The following ATR variants were observed in gnomAD, a reference collection of about 807,000 sequenced individuals.
ATR encodes serine/threonine-protein kinase ATR.
A neutral mutation model predicts 305.3 loss-of-function variants in ATR; 142 were observed. The observed-to-expected ratio is 0.47, with a 90% CI of 0.41 to 0.53. ATR has a LOEUF of 0.53. Among genes scored for constraint, ATR ranks in the 20% least tolerant of loss-of-function variants. The pLI is 0.00. For missense variants in ATR, 2,135 were observed against 3,133.1 expected (o/e 0.68, Z 7.60); for synonymous variants, 1,050 against 1,068.1 (o/e 0.98, Z 0.33).
chr3:142,561,196 A>C, intron 5 of ATR, 47 bp downstream of exon 5: 1 of 1,585,526 alleles, frequency 6.3e-7, no homozygotes, highest in Non-Finnish European at 8.7e-7. Context: ...AAAGTGAACA[A>C]AGTTTTATTT....
intron 36 of ATR, among the ~76,000 whole-genome samples, chr3:142,478,847 C>T (rs2030166812): frequency 6.6e-6 from 1 of 151,898 alleles, no homozygotes; most frequent in South Asian, 2.1e-4. Context: ...TATGTAATGG[C>T]CTTCTTTGTC....
Position 142,524,049 on chromosome 3 carries a change from G to T in ATR, c.4096C>A (p.Pro1366Thr). The change falls in exon 22 of 47, where the codon CCA (proline) becomes ACA (threonine). Residue 1366 changes from proline to threonine, a missense_variant. Pro to Thr is a conservative substitution (Grantham distance 38, BLOSUM62 -1). This residue lies in a region of ATR where 530 missense variants were observed against 766.8 expected (regional missense o/e 0.69). Coordinates refer to ENST00000350721, the MANE Select transcript of ATR (RefSeq NM_001184.4). ...ECLGELGAID[P>T]GRLDFSTTET... ...GTTGTTGAGAAATCTAATCGACCTG[G>T]ATCTATCGCCCCCAATTCCCCTAAA... 6.2e-7 allele frequency: 1 copy of T among 1,614,044 alleles called. No homozygotes were observed. The highest frequency in any genetic ancestry group is 8.5e-7 in the Non-Finnish European group (1 of 1,179,990).
chr3:142,565,010 G>T (rs756777344), intron 3 of ATR, among the ~76,000 whole-genome samples: 1 of 152,096 alleles, frequency 6.6e-6, no homozygotes, highest in Non-Finnish European at 1.5e-5. Context: ...AACTCCCAAA[G>T]TGCTGGGATT....
intron 23 of ATR, 94 bp from the exon 24 acceptor site, chr3:142,519,878 A>G: frequency 1.1e-6 from 1 of 948,208 alleles, no homozygotes; most frequent in East Asian, 2.4e-5. Context: ...ATAAAAATAC[A>G]GCCATAACTC....
chr3:142,516,560 T>C (rs1303268239), intron 24 of ATR, among the ~76,000 whole-genome samples: 2 of 152,184 alleles, frequency 1.3e-5, no homozygotes, highest in African/African-American at 2.4e-5. Context: ...ACCAACTCCA[T>C]TGCCACTTTC....
chr3:142,498,532 A>G, intron 32 of ATR, 65 bp downstream of exon 32: 1 of 1,521,026 alleles, frequency 6.6e-7, no homozygotes, highest in Non-Finnish European at 9.0e-7. Context: ...TACTCAAAAA[A>G]ATTTTCCAAT....
At chr3:142,471,440 T>A (rs973747771) in intron 36 of ATR, among the ~76,000 whole-genome samples, 2 of 152,192 alleles carry the variant, frequency 1.3e-5, no homozygotes, top group South Asian at 4.1e-4. Flanking sequence ...TTGAGACCCA[T>A]AGAGACAGTT....
At chr3:142,508,566 T>A (rs925055887) in intron 27 of ATR, among the ~76,000 whole-genome samples, 124 of 152,144 alleles carry the variant, frequency 8.2e-4, no homozygotes, top group African/African-American at 2.8e-3. Flanking sequence ...AAGTTTAGAA[T>A]TCATTGTTAT....
chr3:142,465,335 GAAT>G, intron 40 of ATR, 95 bp from the exon 41 acceptor site: 2 of 804,226 alleles, frequency 2.5e-6, no homozygotes, highest in Non-Finnish European at 3.8e-6. Flanking sequence ...AAAAAAAAAA[GAAT>G]ATTACCAGCT....
chr3:142,551,295 T>C (rs2034462713), intron 13 of ATR, among the ~76,000 whole-genome samples: 1 of 151,932 alleles, frequency 6.6e-6, no homozygotes, highest in Non-Finnish European at 1.5e-5. Context: ...GGTGTGGTGG[T>C]GCACACCTGT....
intron 36 of ATR, among the ~76,000 whole-genome samples, chr3:142,475,121 T>C (rs1266115475): frequency 6.6e-6 from 1 of 152,212 alleles, no homozygotes; most frequent in Non-Finnish European, 1.5e-5. Context: ...AATTATACTT[T>C]AAGTTATAGA....
At chr3:142,478,024 T>C (rs1428833821) in intron 36 of ATR, among the ~76,000 whole-genome samples, 3 of 152,326 alleles carry the variant, frequency 2.0e-5, no homozygotes, top group Non-Finnish European at 2.9e-5. Flanking sequence ...ATTTTGTTGA[T>C]CTTTTCCAAA....
At chr3:142,495,264 C>T (rs549984974) in intron 34 of ATR, among the ~76,000 whole-genome samples, 1 of 152,290 alleles carries the variant, frequency 6.6e-6, no homozygotes, top group Admixed American at 6.5e-5. Context: ...GAATAAATTG[C>T]TTTCCCCTCT....
In ATR at chr3:142,544,452, C is replaced by CAAAAAAAA. The variant is rs57120276; in HGVS notation, c.3358-1703_3358-1696dup. Among the ~76,000 whole-genome samples the CAAAAAAAA allele has an allele frequency of 2.1e-3, 39 of 18,974 alleles. 2 individuals are homozygous for CAAAAAAAA. The highest frequency in any genetic ancestry group is 3.0e-3 in the Non-Finnish European group (29 of 9,726). The allele number at this position is 18,974 out of a possible 152,430, so 12.4% of individuals were successfully genotyped here. On this transcript the variant is annotated intron_variant, in intron 16 of 46. Transcript: ENST00000350721. ...GGGTGACAGAGCAAAATCCTGCCTCCAAAAAAAAAAAAAAAAAAAAAAAAA... is the reference window on the plus strand; with the variant it reads ...GGGTGACAGAGCAAAATCCTGCCTCCAAAAAAAAAAAAAAAAAAAAAAAAAAAAAAAAA...
chr3:142,487,758 C>G (rs1353517914), intron 35 of ATR, among the ~76,000 whole-genome samples: 1 of 152,084 alleles, frequency 6.6e-6, no homozygotes, highest in African/African-American at 2.4e-5. Flanking sequence ...TTCTGATAAA[C>G]AGAAGTTATT....
intron 21 of ATR, among the ~76,000 whole-genome samples, chr3:142,528,854 CAT>C (rs1191100552): frequency 0.012 from 783 of 65,604 alleles, 42 homozygotes; most frequent in Middle Eastern, 0.031. Context: ...CTGGAATTAT[CAT>C]ATATATATAT....
At chr3:142,486,971 A>C (rs1056146819) in intron 35 of ATR, among the ~76,000 whole-genome samples, 1 of 147,624 alleles carries the variant, frequency 6.8e-6, no homozygotes, top group Non-Finnish European at 1.5e-5. Flanking sequence ...AAAAAAAAAA[A>C]AAAAAAAAAA....
At chr3:142,508,955 G>A (rs2032404627) in intron 27 of ATR, among the ~76,000 whole-genome samples, 1 of 147,388 alleles carries the variant, frequency 6.8e-6, no homozygotes. Flanking sequence ...GAAATTGAAA[G>A]TAAAAGTGCC....
chr3:142,478,977 G>A (rs960977127), intron 36 of ATR, among the ~76,000 whole-genome samples: 1 of 152,070 alleles, frequency 6.6e-6, no homozygotes, highest in Non-Finnish European at 1.5e-5. Context: ...TTGAGCCTAT[G>A]TGTGTCTCTG....
Sources: allele counts gnomAD v4.1 joint callset (sites outside exome capture counted in the v4.1 genomes callset), GRCh38; gene constraint gnomAD v4.1.1; regional missense constraint gnomAD v4.1.1; transcripts MANE v1.5; gene names NCBI Gene and HGNC (gene_info 2026-07-23, HGNC 2026-07-21).